EGF: variants seen among roughly 807,000 people sequenced by gnomAD.
The protein encoded by EGF is pro-epidermal growth factor.
EGF carries 95 observed loss-of-function variants against 143.8 expected under a neutral mutation model. That is an observed-to-expected ratio of 0.66 (90% confidence interval 0.56 to 0.78). The LOEUF (loss-of-function observed/expected upper bound fraction) is 0.78, where lower values mean the gene tolerates loss of function less well. Among genes scored for constraint, EGF ranks in the 30% least tolerant of loss-of-function variants. EGF has a pLI of 0.00. For synonymous variants in EGF, 510 were observed against 510.5 expected (o/e 1.00, Z 0.01); for missense variants, 1,320 against 1,470.9 (o/e 0.90, Z 1.68).
chr4:109,950,805 C>G (rs936449237), intron 5 of EGF, among the ~76,000 whole-genome samples: 1 of 152,218 alleles, frequency 6.6e-6, no homozygotes, highest in Non-Finnish European at 1.5e-5. Context: ...CCTTCAGGAA[C>G]ACCTTCCTTG....
At chr4:109,999,248 A>G (rs961991723) in intron 20 of EGF, among the ~76,000 whole-genome samples, 5 of 152,062 alleles carry the variant, frequency 3.3e-5, no homozygotes, top group African/African-American at 1.2e-4. Context: ...CCTGGTTTCA[A>G]GTGAGGAACT....
At chr4:109,967,833 G>A (rs1329449232) in intron 10 of EGF, among the ~76,000 whole-genome samples, 1 of 152,094 alleles carries the variant, frequency 6.6e-6, no homozygotes. Flanking sequence ...AATACTGTAA[G>A]CAGTATTGTA....
intron 2 of EGF, among the ~76,000 whole-genome samples, chr4:109,943,009 G>C (rs1351601722): frequency 1.3e-5 from 2 of 152,100 alleles, no homozygotes; most frequent in African/African-American, 4.8e-5. Flanking sequence ...TAGTGTGTAG[G>C]ATAATTTTTA....
intron 2 of EGF, among the ~76,000 whole-genome samples, chr4:109,941,474 C>T (rs533148045): frequency 6.6e-6 from 1 of 152,226 alleles, no homozygotes; most frequent in East Asian, 1.9e-4. Context: ...CCCAGTAGCT[C>T]TCAGGTGGGG....
At chr4:110,003,621 T>C (rs911961279) in intron 21 of EGF, among the ~76,000 whole-genome samples, 1 of 152,162 alleles carries the variant, frequency 6.6e-6, no homozygotes, top group Non-Finnish European at 1.5e-5. Context: ...AGTGGCGTTA[T>C]TGTGGAGTCT....
intron 12 of EGF, 42 bp downstream of exon 12, chr4:109,974,849 T>C (rs1482938556): frequency 1.3e-6 from 2 of 1,498,006 alleles, no homozygotes; most frequent in Middle Eastern, 1.7e-4. Context: ...GCAGAGGTCA[T>C]GTGACAGTTC....
At chr4:109,925,097 C>G (rs1185361158) in intron 1 of EGF, among the ~76,000 whole-genome samples, 1 of 152,150 alleles carries the variant, frequency 6.6e-6, no homozygotes, top group Non-Finnish European at 1.5e-5. Flanking sequence ...AAGTCAGAAG[C>G]CTCTCTTGAG....
chr4:109,973,880 A>G (rs538803933), intron 11 of EGF, among the ~76,000 whole-genome samples: 44 of 152,316 alleles, frequency 2.9e-4, no homozygotes, highest in Non-Finnish European at 5.4e-4. Flanking sequence ...CCATTGGGTT[A>G]TTTAATGTAA....
chr4:109,962,819 C>A (rs1459703722), intron 8 of EGF, among the ~76,000 whole-genome samples: 1 of 152,100 alleles, frequency 6.6e-6, no homozygotes, highest in Non-Finnish European at 1.5e-5. Context: ...GGAATCCTAG[C>A]ATTTTGGGAG....
chr4:109,966,820 G>A (rs113040758), intron 10 of EGF, among the ~76,000 whole-genome samples: 11 of 152,042 alleles, frequency 7.2e-5, no homozygotes, highest in African/African-American at 2.2e-4. Flanking sequence ...TCATATGTTT[G>A]TAGGCTGCTT....
In EGF at chr4:109,968,707, T is replaced by TACCTAC. The variant is rs1578292119; in HGVS notation, c.1576-264_1576-263insACCTAC. The TACCTAC allele has an allele frequency of 2.3e-5, 8 of 351,380 alleles. No homozygotes were observed. In the East Asian group the frequency reaches 2.6e-4, roughly 11 times the overall value. The allele number at this position is 351,380 out of a possible 1,614,324, so 21.8% of individuals were successfully genotyped here. On this transcript the variant is annotated intron_variant, in intron 10 of 23. Coordinates refer to ENST00000265171, the MANE Select transcript of EGF (RefSeq NM_001963.6). ...ATCTATCTATCTATCTATCTATCTATCTACCTACCTACCTACCTACCTAAT... is the reference window on the plus strand; with the variant it reads ...ATCTATCTATCTATCTATCTATCTATACCTACCTACCTACCTACCTACCTACCTAAT...
intron 1 of EGF, among the ~76,000 whole-genome samples, chr4:109,914,620 C>T (rs1290977432): frequency 6.6e-6 from 1 of 152,200 alleles, no homozygotes; most frequent in Non-Finnish European, 1.5e-5. Context: ...CTAGTGATCT[C>T]TATGTTCCCA....
chr4:109,970,601 C>T (rs982427952), intron 11 of EGF, among the ~76,000 whole-genome samples: 13 of 151,960 alleles, frequency 8.6e-5, no homozygotes, highest in African/African-American at 1.5e-4. Context: ...CCAAGGTGGG[C>T]AGATCACAAG....
At chr4:109,919,805 C>T (rs763766287) in intron 1 of EGF, among the ~76,000 whole-genome samples, 7 of 151,498 alleles carry the variant, frequency 4.6e-5, no homozygotes, top group Non-Finnish European at 7.4e-5. Flanking sequence ...TTAAAGAAGG[C>T]TAATTTCCAG....
intron 9 of EGF, 41 bp from the exon 10 acceptor site, chr4:109,964,360 G>T (rs1424710429): frequency 1.2e-6 from 2 of 1,613,148 alleles, no homozygotes; most frequent in Admixed American, 3.3e-5. Context: ...AGTTTCTAAG[G>T]CACGTTTTAA....
intron 18 of EGF, chr4:109,992,190 AAAAAAAAAAAGACAG>A (rs1751041987): frequency 7.8e-6 from 1 of 128,728 alleles, no homozygotes; most frequent in African/African-American, 2.7e-5. Context: ...AAAAAAAAAA[AAAAAAAAAAAGACAG>A]AGAGAGAAAG....
chr4:109,932,378 AATTTT>A (rs1739905263), intron 1 of EGF, among the ~76,000 whole-genome samples: 1 of 75,748 alleles, frequency 1.3e-5, no homozygotes, highest in East Asian at 4.7e-4. Context: ...TATATATATA[AATTTT>A]TTTTTTTTTT....
chr4:109,970,580 G>T (rs1393992691), intron 11 of EGF, among the ~76,000 whole-genome samples: 1 of 152,034 alleles, frequency 6.6e-6, no homozygotes, highest in African/African-American at 2.4e-5. Flanking sequence ...CTGTTGATGT[G>T]CTTTGGGAGG....
At chr4:109,974,830 C>T (rs1172507646) in intron 12 of EGF, 23 bp downstream of exon 12, 2 of 1,570,432 alleles carry the variant, frequency 1.3e-6, no homozygotes, top group Non-Finnish European at 8.8e-7. Context: ...AAAAATAAGG[C>T]ACTGCTCTGC....
Sources: allele counts gnomAD v4.1 joint callset (sites outside exome capture counted in the v4.1 genomes callset), GRCh38; gene constraint gnomAD v4.1.1; transcripts MANE v1.5; gene names NCBI Gene and HGNC (gene_info 2026-07-23, HGNC 2026-07-21).